Variants in USP15 observed in about 807,000 individuals in gnomAD.
USP15 encodes the protein ubiquitin specific peptidase 15.
USP15 carries 18 observed loss-of-function variants against 127.1 expected under a neutral mutation model. The ratio of observed to expected loss-of-function variants is 0.14; its 90% CI spans 0.10 to 0.21. USP15 has a LOEUF of 0.21. Among genes scored for constraint, USP15 ranks in the 10% least tolerant of loss-of-function variants. The probability of loss-of-function intolerance (pLI) is 1.00; values close to 1 mark genes in which losing one functional copy is unlikely to be tolerated. For missense variants in USP15, 805 were observed against 1,159.9 expected, an observed-to-expected ratio of 0.69 and a Z score of 4.44; for synonymous variants, 364 against 393.7, an observed-to-expected ratio of 0.92 and a Z score of 0.89.
chr12:62,280,836 A>C (rs893044099), intron 1 of USP15, among the ~76,000 whole-genome samples: 5 of 152,166 alleles, frequency 3.3e-5, no homozygotes, highest in Non-Finnish European at 5.9e-5. Flanking sequence ...AGCTGAGTCT[A>C]AAGAGGTAGC....
At chr12:62,330,892 C>T (rs1418019761) in intron 6 of USP15, among the ~76,000 whole-genome samples, 6 of 148,580 alleles carry the variant, frequency 4.0e-5, no homozygotes, top group Admixed American at 4.0e-4. Context: ...CACAACTGCA[C>T]TCTAGCCTGT....
At chr12:62,301,312 G>C (rs1422474254) in intron 2 of USP15, among the ~76,000 whole-genome samples, 1 of 152,064 alleles carries the variant, frequency 6.6e-6, no homozygotes, top group African/African-American at 2.4e-5. Flanking sequence ...GTTTATTGTA[G>C]AGCCCAGTCA....
At chr12:62,347,469 C>T (rs894857040) in intron 6 of USP15, among the ~76,000 whole-genome samples, 3 of 151,394 alleles carry the variant, frequency 2.0e-5, no homozygotes, top group South Asian at 2.1e-4. Context: ...GGGGAACATT[C>T]GATTTATATA....
chr12:62,294,399 T>G (rs971038609), intron 2 of USP15, 93 bp downstream of exon 2: 9 of 1,430,466 alleles, frequency 6.3e-6, no homozygotes, highest in African/African-American at 2.9e-5. Context: ...TTAGCGCAAA[T>G]AAGTTGATAA....
At chr12:62,386,778 C>T (rs1254949987) in intron 11 of USP15, among the ~76,000 whole-genome samples, 2 of 152,046 alleles carry the variant, frequency 1.3e-5, no homozygotes, top group South Asian at 2.1e-4. Flanking sequence ...TATATGGCCA[C>T]AATTATGTTT....
In USP15 at chr12:62,401,253, C is replaced by G. The variant is rs770840394; in HGVS notation, c.2741C>G (p.Thr914Ser). 2 of 1,611,840 alleles carry G rather than the reference C, an allele frequency of 1.2e-6. No individual in the cohort carries two copies. Among genetic ancestry groups the G allele is most frequent in the African/African-American group, 2.7e-5 (2 of 74,830 alleles). Residue 914 changes from threonine (T) to serine (S), a missense_variant, in exon 21 of 22, where the codon ACT becomes AGT. By Grantham distance (58) the Thr-to-Ser change is moderately conservative. Around this residue, in one of 11 missense-constraint regions of USP15, gnomAD observed 116 missense variants for 157.2 expected, o/e 0.74. Coordinates refer to ENST00000280377, the MANE Select transcript of USP15 (RefSeq NM_001252078.2). ...TATTTTGATGACAGTAGTGTCTCCA[C>G]TGCATCTGAAGACCAAATTGTGGTA... ...WYYFDDSSVS[T>S]ASEDQIVSKA... is the part of the protein sequence containing the mutation.
chr12:62,400,087 C>A (rs2067631972), intron 20 of USP15, among the ~76,000 whole-genome samples: 1 of 152,102 alleles, frequency 6.6e-6, no homozygotes, highest in Non-Finnish European at 1.5e-5. Context: ...TACAAAGTGT[C>A]ACTTTTTAGA....
intron 2 of USP15, 82 bp downstream of exon 2, chr12:62,294,388 G>A: frequency 6.7e-7 from 1 of 1,490,864 alleles, no homozygotes; most frequent in Admixed American, 2.3e-5. Flanking sequence ...TTTGGAAAAT[G>A]TTAGCGCAAA....
intron 8 of USP15, among the ~76,000 whole-genome samples, chr12:62,356,375 A>G (rs1196837922): frequency 6.6e-6 from 1 of 151,944 alleles, no homozygotes; most frequent in Non-Finnish European, 1.5e-5. Context: ...CTTTCTCACT[A>G]TCTGAGAAAA....
intron 7 of USP15, among the ~76,000 whole-genome samples, chr12:62,350,104 T>A (rs1008019226): frequency 1.3e-5 from 2 of 151,884 alleles, no homozygotes; most frequent in African/African-American, 4.8e-5. Context: ...TATTAGATAT[T>A]TATCTAATAC....
intron 8 of USP15, among the ~76,000 whole-genome samples, chr12:62,362,079 G>A (rs1174426478): frequency 6.6e-6 from 1 of 151,978 alleles, no homozygotes; most frequent in African/African-American, 2.4e-5. Flanking sequence ...TAGGGCATAA[G>A]AATCTCTATT....
rs869148970 is a variant in USP15 at position 62,410,849 on chromosome 12, G to GTTTTTT, written c.*6484_*6489dup. ...ATGAGTCAAGTTAATATTTGTTTTT[G>GTTTTTT]TTTTTTTTTTTTTTTAATTTTGGGC... On this transcript the variant is annotated 3_prime_UTR_variant, in exon 22 of 22. Transcript: ENST00000280377. 1 of 88,678 alleles carries GTTTTTT rather than the reference G, an allele frequency of 1.1e-5. No homozygotes were observed. The allele number at this position is 88,678 out of a possible 1,614,324, so 5.5% of individuals were successfully genotyped here. A position where few individuals can be genotyped will look rare whatever the true frequency, so the allele number is the denominator to read the frequency against.
At chr12:62,370,377 A>G (rs1463059455) in intron 8 of USP15, among the ~76,000 whole-genome samples, 1 of 152,024 alleles carries the variant, frequency 6.6e-6, no homozygotes, top group Non-Finnish European at 1.5e-5. Context: ...CTACTTTCCC[A>G]TCTCCCATTC....
At chr12:62,363,247 A>G (rs560213892) in intron 8 of USP15, among the ~76,000 whole-genome samples, 5 of 152,086 alleles carry the variant, frequency 3.3e-5, no homozygotes, top group Admixed American at 1.3e-4. Context: ...GGCATTTTCT[A>G]TTACTTAGGC....
chr12:62,357,045 T>C (rs2066152927), intron 8 of USP15, among the ~76,000 whole-genome samples: 2 of 152,052 alleles, frequency 1.3e-5, no homozygotes, highest in Admixed American at 6.6e-5. Context: ...TGATATCAGC[T>C]AGAGTTTTTT....
chr12:62,350,450 G>T (rs2065935531), intron 7 of USP15, among the ~76,000 whole-genome samples: 1 of 151,894 alleles, frequency 6.6e-6, no homozygotes, highest in Non-Finnish European at 1.5e-5. Flanking sequence ...TTCTTCTCTG[G>T]AATTTTAAAT....
At chr12:62,275,732 T>C (rs1204648523) in intron 1 of USP15, among the ~76,000 whole-genome samples, 1 of 151,874 alleles carries the variant, frequency 6.6e-6, no homozygotes, top group Non-Finnish European at 1.5e-5. Context: ...GGAGCAAAAA[T>C]TATTGGCCTG....
intron 1 of USP15, among the ~76,000 whole-genome samples, chr12:62,261,619 G>A (rs1291758962): frequency 6.6e-6 from 1 of 152,170 alleles, no homozygotes; most frequent in Non-Finnish European, 1.5e-5. Context: ...TCTTCATGCT[G>A]TAAAATGGAC....
intron 3 of USP15, among the ~76,000 whole-genome samples, chr12:62,309,342 A>G (rs1045622188): frequency 1.3e-5 from 2 of 152,128 alleles, no homozygotes; most frequent in Admixed American, 1.3e-4. Flanking sequence ...TAATTTCTAG[A>G]CAAACAGAAC....
Sources: allele counts gnomAD v4.1 joint callset (sites outside exome capture counted in the v4.1 genomes callset), GRCh38; gene constraint gnomAD v4.1.1; regional missense constraint gnomAD v4.1.1; transcripts MANE v1.5; gene names NCBI Gene and HGNC (gene_info 2026-07-23, HGNC 2026-07-21).